The following ARHGAP45 variants were observed in gnomAD, a reference collection of about 807,000 sequenced individuals.
ARHGAP45 encodes Rho GTPase activating protein 45.
Under a neutral mutation model 116.1 loss-of-function variants are expected in ARHGAP45, and 56 were observed. The ratio of observed to expected loss-of-function variants is 0.48; its 90% CI spans 0.39 to 0.60. The LOEUF (loss-of-function observed/expected upper bound fraction) is 0.60, where lower values mean the gene tolerates loss of function less well. Ranked by LOEUF, ARHGAP45 falls within the 20% of genes least tolerant of loss-of-function variation. The pLI is 0.00. For missense variants in ARHGAP45, 1,622 were observed against 1,601.0 expected, an observed-to-expected ratio of 1.01 and a Z score of -0.22; for synonymous variants, 866 against 701.7, an observed-to-expected ratio of 1.23 and a Z score of -3.70.
rs2043534519 is a variant in ARHGAP45 at position 1,084,301 on chromosome 19, G to A, written c.3019G>A (p.Ala1007Thr). Residue 1007 changes from alanine (A) to threonine (T), a missense_variant, in exon 22 of 23, where the codon GCG becomes ACG. Physicochemically the swap from Ala to Thr is moderately conservative, Grantham distance 58. This residue lies in a region of ARHGAP45 where 1,334 missense variants were observed against 1,263.8 expected (regional missense o/e 1.06). Coordinates refer to ENST00000313093, the MANE Select transcript of ARHGAP45 (RefSeq NM_012292.5). ...GGTGCCGTACCTGGAGGCGGGCGAG[G>A]CGGTGGTCTACCCGCTGCAGGAGGC... ...VQVPYLEAGE[A>T]VVYPLQEAAA... 1.2e-6 allele frequency: 2 copies of A among 1,612,730 alleles called. No individual in the cohort carries two copies. The highest frequency in any genetic ancestry group is 2.2e-5 in the South Asian group (2 of 91,024).
intron 10 of ARHGAP45, among the ~76,000 whole-genome samples, 189 bp downstream of exon 10, chr19:1,075,068 C>T (rs558927716): frequency 4.6e-5 from 7 of 151,912 alleles, no homozygotes; most frequent in African/African-American, 1.7e-4. Context: ...GCTCCAGCCC[C>T]GTCGCCCCCA....
rs563851758 is a variant in ARHGAP45, at chr19:1,074,033, G to A, written c.790+19G>A. ...GACGCCGGTAAGCCCCCACCCAGCG[G>A]CAGGCAGGCATTTGAGGGGTGGGCC... On this transcript the variant is annotated intron_variant, in intron 6 of 22. Transcript: ENST00000313093. 1.1e-5 allele frequency: 18 copies of A among 1,597,300 alleles called. 1 individual carries two copies. The highest frequency in any genetic ancestry group is 1.5e-5 in the Non-Finnish European group (17 of 1,172,378).
In ARHGAP45 at chr19:1,080,101, C is replaced by T. The variant is rs1412314109; in HGVS notation, c.1686C>T (p.His562=). Residue 562 remains histidine, a synonymous_variant, in exon 13 of 23, where the codon CAC becomes CAT. Coordinates refer to ENST00000313093, the MANE Select transcript of ARHGAP45 (RefSeq NM_012292.5). ...ATGTGCACTACGACTTTGAGCCCCACGTCTCCGCCAACGCCTGGTACCGCC... is the reference window on the plus strand; with the variant it reads ...ATGTGCACTACGACTTTGAGCCCCATGTCTCCGCCAACGCCTGGTACCGCC... ...EPDVHYDFEP[H]VSANAWSPVM... The T allele has an allele frequency of 1.9e-6, 3 of 1,612,142 alleles. No individual in the cohort carries two copies. The highest frequency in any genetic ancestry group is 1.7e-6 in the Non-Finnish European group (2 of 1,179,770).
Position 1,074,854 on chromosome 19 carries a change from C to G in ARHGAP45, c.1160C>G (p.Ala387Gly), listed in dbSNP as rs868285141. The change falls in exon 10 of 23, where the codon GCC (alanine) becomes GGC (glycine). Residue 387 changes from alanine (A) to glycine (G), a missense_variant. Physicochemically the swap from Ala to Gly is moderately conservative, Grantham distance 60 (BLOSUM62 0). Coordinates refer to ENST00000313093, the MANE Select transcript of ARHGAP45 (RefSeq NM_012292.5). ...HEKRRKEIKE[A>G]WHRAQRKLQE... Reference sequence around the variant, plus strand: ...AAGCGCAGGAAGGAGATCAAGGAGGCCTGGCACCGTGCCCAGAGGAAGCTG... The same window carrying G: ...AAGCGCAGGAAGGAGATCAAGGAGGGCTGGCACCGTGCCCAGAGGAAGCTG... 1.5e-6 allele frequency: 2 copies of G among 1,377,178 alleles called. No homozygotes were observed. The highest frequency in any genetic ancestry group is 2.0e-5 in the Admixed American group (1 of 48,970). 85.3% of individuals were successfully genotyped at this position (1,377,178 alleles called of 1,614,324 possible).
At chr19:1,078,823 C>A (rs1359564732) in intron 11 of ARHGAP45, among the ~76,000 whole-genome samples, 1 of 151,776 alleles carries the variant, frequency 6.6e-6, no homozygotes, top group Non-Finnish European at 1.5e-5. Context: ...CTCAAGCAAT[C>A]TTCTCGCCTC....
In ARHGAP45 at chr19:1,074,794, C is replaced by T; in HGVS notation, c.1105-5C>T. On this transcript the variant is annotated splice_polypyrimidine_tract_variant and splice_region_variant and intron_variant, in intron 9 of 22. Coordinates refer to ENST00000313093, the MANE Select transcript of ARHGAP45 (RefSeq NM_012292.5). The stretch of plus-strand genomic sequence containing the variant: ...GGTACCCACTCACGGCCCGTCTCGC[C>T]CCAGCCCCTGACCCTGCGGCGGCTT... 1.9e-6 allele frequency: 3 copies of T among 1,602,138 alleles called. No homozygotes were observed. Among genetic ancestry groups the T allele is most frequent in the Non-Finnish European group, 2.6e-6 (3 of 1,176,366 alleles).
At chr19:1,085,013 C>T (rs1330554447) in intron 22 of ARHGAP45, among the ~76,000 whole-genome samples, 1 of 152,142 alleles carries the variant, frequency 6.6e-6, no homozygotes, top group East Asian at 1.9e-4. Flanking sequence ...ACCGGGGAGG[C>T]AGAGGTTGCA....
Position 1,081,076 on chromosome 19 carries a change from G to C in ARHGAP45, c.2190+12G>C. On this transcript the variant is annotated intron_variant, in intron 17 of 22. Coordinates refer to ENST00000313093, the MANE Select transcript of ARHGAP45 (RefSeq NM_012292.5). ...CTGAGTGTGAAGAGGTGAGTGGGAC[G>C]CCCCGACGGACAGCTGGGAGCCTTC... is the stretch of plus-strand genomic sequence containing the variant. 6.3e-7 allele frequency: 1 copy of C among 1,591,064 alleles called. No individual in the cohort carries two copies.
At chr19:1,066,459 A>G, upstream of ARHGAP45, 1 of 460,576 alleles carries the variant, frequency 2.2e-6, no homozygotes, top group Non-Finnish European at 4.0e-6. Flanking sequence ...GACCTTAGCT[A>G]AGGGCAGGTC....
chr19:1,083,345 G>C lies in ARHGAP45; in HGVS notation c.2947G>C (p.Gly983Arg). ...CGAGGAGGAGCCGGAGGAGACCCCC[G>C]GGGGCCAGGTGAGGGTGTGGGCCTG... Reference protein sequence around the residue: ...VFEEEPEETPGGQDESSNQRA... With the variant: ...VFEEEPEETPRGQDESSNQRA... The change falls in exon 21 of 23, where the codon GGG becomes CGG. Residue 983 changes from glycine (G) to arginine (R), a missense_variant. By Grantham distance (125) the Gly-to-Arg change is moderately radical. Transcript: ENST00000313093. 1 of 1,547,582 alleles carries C rather than the reference G, an allele frequency of 6.5e-7. No individual in the cohort carries two copies. Among genetic ancestry groups the C allele is most frequent in the Non-Finnish European group, 8.7e-7 (1 of 1,148,738 alleles).
chr19:1,072,997 G>C, intron 2 of ARHGAP45, 152 bp from the exon 3 acceptor site: 1 of 904,548 alleles, frequency 1.1e-6, no homozygotes, highest in East Asian at 2.5e-5. Flanking sequence ...TGCCCTCCCC[G>C]CGGTCTCGAA....
intron 8 of ARHGAP45, 54 bp downstream of exon 8, chr19:1,074,461 A>C: frequency 1.4e-6 from 2 of 1,452,834 alleles, no homozygotes; most frequent in Non-Finnish European, 1.8e-6. Context: ...TGTGAGTCTC[A>C]GCCCCATTTC....
chr19:1,085,901 C>T lies in ARHGAP45; in HGVS notation c.3306C>T (p.Thr1102=). 1.2e-6 allele frequency: 2 copies of T among 1,612,912 alleles called. No homozygotes were observed. The highest frequency in any genetic ancestry group is 2.2e-5 in the East Asian group (1 of 44,876). The stretch of plus-strand genomic sequence containing the variant: ...CCCAGCAGCTCTCAGGATTCAACAC[C>T]AACCAGTCCAACAACGTGCTGCAGG... ...GPAQQLSGFN[T]NQSNNVLQAP... Residue 1102 remains threonine, a synonymous_variant, in exon 23 of 23, where the codon ACC becomes ACT. Coordinates refer to ENST00000313093, the MANE Select transcript of ARHGAP45 (RefSeq NM_012292.5).
Position 1,080,055 on chromosome 19 carries a change from T to G in ARHGAP45, c.1640T>G (p.Leu547Arg), listed in dbSNP as rs2043384523. ...GQQYASHVRQ[L>R]QRDQEPDVHY... Reference sequence around the variant, plus strand: ...CAGTACGCCTCCCACGTGCGCCAGCTGCAGCGGGACCAGGAGCCCGATGTG... The same window carrying G: ...CAGTACGCCTCCCACGTGCGCCAGCGGCAGCGGGACCAGGAGCCCGATGTG... Residue 547 changes from leucine to arginine, a missense_variant, in exon 13 of 23, where the codon CTG becomes CGG. Around this residue, in one of 3 missense-constraint regions of ARHGAP45, gnomAD observed 1,334 missense variants for 1,263.8 expected, o/e 1.06. Transcript: ENST00000313093. 2 of 1,612,802 alleles carry G rather than the reference T, an allele frequency of 1.2e-6. No individual in the cohort carries two copies. Among genetic ancestry groups the G allele is most frequent in the Non-Finnish European group, 1.7e-6 (2 of 1,179,906 alleles).
In ARHGAP45 at chr19:1,079,787, G is replaced by A. The variant is rs759175437; in HGVS notation, c.1459G>A (p.Ala487Thr). ...GGAGCTGGAGGATACCAAGGTGACG[G>A]CGCTGCGGCAGATCCAGGAGGTCAT... is the stretch of plus-strand genomic sequence containing the variant. ...KQELEDTKVT[A>T]LRQIQEVIRQ... is the part of the protein sequence containing the mutation. The change falls in exon 12 of 23, where the codon GCG (alanine) becomes ACG (threonine). Residue 487 changes from alanine (A) to threonine (T), a missense_variant. Ala to Thr is a moderately conservative substitution (Grantham distance 58). Around this residue, in one of 3 missense-constraint regions of ARHGAP45, gnomAD observed 1,334 missense variants for 1,263.8 expected, o/e 1.06. Transcript: ENST00000313093. 5 of 1,611,202 alleles carry A rather than the reference G, an allele frequency of 3.1e-6. No homozygotes were observed. The highest frequency in any genetic ancestry group is 1.7e-5 in the Admixed American group (1 of 59,986).
At position 1,080,662 on chromosome 19, in the gene ARHGAP45, C is replaced by G; in HGVS notation, c.1913-20C>G. On this transcript the variant is annotated intron_variant, in intron 15 of 22. Coordinates refer to ENST00000313093, the MANE Select transcript of ARHGAP45 (RefSeq NM_012292.5). ...GCCCCCCTGGCTGGGGGAGTCTGAACAGTCCTGATTCCCGCCCAGGGGACT... is the reference window on the plus strand; with the variant it reads ...GCCCCCCTGGCTGGGGGAGTCTGAAGAGTCCTGATTCCCGCCCAGGGGACT... The G allele has an allele frequency of 6.2e-7, 1 of 1,611,366 alleles. No individual in the cohort carries two copies.
intron 16 of ARHGAP45, 30 bp downstream of exon 16, chr19:1,080,816 G>C: frequency 6.2e-7 from 1 of 1,611,946 alleles, no homozygotes; most frequent in Non-Finnish European, 8.5e-7. Context: ...GCTGGAGAGA[G>C]AGGGGGGTTT....
rs867421472 is a variant in ARHGAP45, at chr19:1,083,303, C to T, written c.2905C>T (p.His969Tyr). 6.3e-7 allele frequency: 1 copy of T among 1,577,362 alleles called. No homozygotes were observed. Residue 969 changes from histidine to tyrosine, a missense_variant, in exon 21 of 23, where the codon CAC (histidine) becomes TAC (tyrosine). Physicochemically the swap from His to Tyr is moderately conservative, Grantham distance 83 (BLOSUM62 2). This residue lies in a region of ARHGAP45 where 1,334 missense variants were observed against 1,263.8 expected (regional missense o/e 1.06). Transcript: ENST00000313093. ...QARVIETLIV[H>Y]YGLVFEEEPE... The stretch of plus-strand genomic sequence containing the variant: ...CCGCGTCATCGAGACTCTCATCGTC[C>T]ACTACGGCCTGGTCTTCGAGGAGGA...
At chr19:1,077,255 G>A in intron 10 of ARHGAP45, 1 of 985,390 alleles carries the variant, frequency 1.0e-6, no homozygotes, top group Non-Finnish European at 1.2e-6. Context: ...CGTGTCTGCA[G>A]AGGCTGCCGT....
Sources: gnomAD v4.1 joint callset for allele counts (sites outside exome capture counted in the v4.1 genomes callset) on GRCh38, gnomAD v4.1.1 for gene constraint, gnomAD v4.1.1 regional missense constraint, MANE v1.5 for transcripts, NCBI Gene and HGNC (gene_info 2026-07-23, HGNC 2026-07-21) for gene names.